Variants in HDAC9 observed in about 807,000 individuals in gnomAD.
HDAC9 encodes MEF-2 interacting transcription repressor (MITR) protein.
In HDAC9, 41 loss-of-function variants were observed where a neutral mutation model predicts 139.4. The observed-to-expected ratio is 0.29, with a 90% confidence interval of 0.23 to 0.38. The LOEUF is 0.38. Ranked by LOEUF, HDAC9 falls within the 10% of genes least tolerant of loss-of-function variation. The pLI is 1.00. For missense variants in HDAC9, 1,147 were observed against 1,297.0 expected (o/e 0.88, Z 1.78); for synonymous variants, 517 against 476.2 (o/e 1.09, Z -1.12).
chr7:18,443,444 A>G (rs1335488657), intron 1 of HDAC9, among the ~76,000 whole-genome samples: 3 of 152,184 alleles, frequency 2.0e-5, no homozygotes, highest in East Asian at 3.9e-4. Context: ...GCACCTCATA[A>G]AAGTAAATAG....
intron 22 of HDAC9, among the ~76,000 whole-genome samples, chr7:18,931,358 C>T (rs1217733950): frequency 6.6e-6 from 1 of 152,064 alleles, no homozygotes; most frequent in Non-Finnish European, 1.5e-5. Context: ...GTAAAAGATT[C>T]TTATCGGCAT....
intron 1 of HDAC9, among the ~76,000 whole-genome samples, chr7:18,429,708 A>G (rs1790462054): frequency 6.6e-6 from 1 of 152,246 alleles, no homozygotes. Context: ...TGCAAAGCAT[A>G]AAGTTTAAAC....
At chr7:18,332,395 G>C (rs1463022828) in intron 1 of HDAC9, among the ~76,000 whole-genome samples, 3 of 120,874 alleles carry the variant, frequency 2.5e-5, no homozygotes, top group Non-Finnish European at 5.0e-5. Context: ...GTGTGTGTGA[G>C]AGAGAGAGAG....
chr7:18,451,892 G>T (rs1377854923), intron 1 of HDAC9, among the ~76,000 whole-genome samples: 3 of 152,082 alleles, frequency 2.0e-5, no homozygotes, highest in African/African-American at 7.2e-5. Context: ...GACACTAGGG[G>T]AATTATGGCT....
chr7:18,680,064 A>G (rs1443648001), intron 12 of HDAC9, among the ~76,000 whole-genome samples: 1 of 152,018 alleles, frequency 6.6e-6, no homozygotes, highest in Admixed American at 6.6e-5. Flanking sequence ...CAGTGCCAAT[A>G]TAAACCATGA....
intron 2 of HDAC9, among the ~76,000 whole-genome samples, chr7:18,518,701 T>C (rs1804012233): frequency 6.6e-6 from 1 of 152,190 alleles, no homozygotes; most frequent in African/African-American, 2.4e-5. Context: ...TAACTGGCCC[T>C]GAGGGAACCA....
At chr7:18,945,757 A>ATTATG (rs1782335128) in intron 23 of HDAC9, among the ~76,000 whole-genome samples, 1 of 152,000 alleles carries the variant, frequency 6.6e-6, no homozygotes, top group Non-Finnish European at 1.5e-5. Context: ...CCATCCATTC[A>ATTATG]GCCAGGCACA....
At chr7:18,778,264 C>G (rs184088605) in intron 16 of HDAC9, among the ~76,000 whole-genome samples, 18 of 151,980 alleles carry the variant, frequency 1.2e-4, no homozygotes, top group Admixed American at 1.2e-3. Flanking sequence ...AGTATTAAAT[C>G]CATGCACTCA....
At chr7:18,960,791 C>G (rs539514811) in intron 24 of HDAC9, among the ~76,000 whole-genome samples, 2 of 151,898 alleles carry the variant, frequency 1.3e-5, no homozygotes, top group Non-Finnish European at 2.9e-5. Context: ...TATCCTCTAC[C>G]GACCCCAGTA....
intron 1 of HDAC9, among the ~76,000 whole-genome samples, chr7:18,332,258 G>T (rs971338981): frequency 6.6e-6 from 1 of 151,496 alleles, no homozygotes. Context: ...ATTATAAACT[G>T]GTCTGTTTAG....
At chr7:18,271,451 C>T (rs1424788100) in intron 2 of HDAC9, among the ~76,000 whole-genome samples, 1 of 152,146 alleles carries the variant, frequency 6.6e-6, no homozygotes, top group Non-Finnish European at 1.5e-5. Flanking sequence ...TTGGACTGAA[C>T]AGCCCAAGTG....
intron 2 of HDAC9, among the ~76,000 whole-genome samples, chr7:18,268,850 C>G (rs748883535): frequency 6.6e-6 from 1 of 152,184 alleles, no homozygotes; most frequent in Non-Finnish European, 1.5e-5. Flanking sequence ...AGAACAGTTT[C>G]TTTTCTAGAG....
chr7:18,348,927 A>C (rs959197062), intron 1 of HDAC9, among the ~76,000 whole-genome samples: 1 of 152,142 alleles, frequency 6.6e-6, no homozygotes, highest in East Asian at 1.9e-4. Context: ...GAGAACACAG[A>C]ACTCAGTAAT....
At chr7:18,199,777 A>G (rs1050850274) in intron 2 of HDAC9, among the ~76,000 whole-genome samples, 5 of 150,764 alleles carry the variant, frequency 3.3e-5, no homozygotes, top group Non-Finnish European at 5.9e-5. Context: ...AAAAAAAAAA[A>G]AAGGCTGTGC....
At chr7:18,471,998 A>G (rs745659109) in intron 1 of HDAC9, among the ~76,000 whole-genome samples, 12 of 152,038 alleles carry the variant, frequency 7.9e-5, no homozygotes, top group Non-Finnish European at 1.5e-4. Context: ...CAGGCTGCAG[A>G]CCTCTGAGGT....
At chr7:18,773,104 C>A (rs922290946) in intron 16 of HDAC9, among the ~76,000 whole-genome samples, 1 of 151,982 alleles carries the variant, frequency 6.6e-6, no homozygotes, top group Non-Finnish European at 1.5e-5. Context: ...ACCTTAATTT[C>A]CTCCTTAATT....
intron 1 of HDAC9, among the ~76,000 whole-genome samples, chr7:18,398,530 C>T (rs1048681552): frequency 6.6e-6 from 1 of 151,208 alleles, no homozygotes; most frequent in African/African-American, 2.4e-5. Flanking sequence ...TTTTTTTAAC[C>T]TGGAAACATT....
chr7:18,833,141 A>G (rs1795984162), intron 19 of HDAC9, among the ~76,000 whole-genome samples: 2 of 152,256 alleles, frequency 1.3e-5, no homozygotes, highest in Admixed American at 6.5e-5. Flanking sequence ...ATATGAATAC[A>G]GAATCAAGAA....
intron 2 of HDAC9, among the ~76,000 whole-genome samples, chr7:18,514,857 G>T (rs1209293636): frequency 6.6e-6 from 1 of 152,114 alleles, no homozygotes; most frequent in Non-Finnish European, 1.5e-5. Flanking sequence ...TGAGGTGGGA[G>T]GGTTGCTTGA....
Sources: gnomAD v4.1 joint callset for allele counts (sites outside exome capture counted in the v4.1 genomes callset) on GRCh38, gnomAD v4.1.1 for gene constraint, MANE v1.5 for transcripts, NCBI Gene and HGNC (gene_info 2026-07-23, HGNC 2026-07-21) for gene names.